Variants in FRMD4B observed in about 807,000 individuals in gnomAD.
FRMD4B encodes the protein FERM domain containing 4B, also known as FERM domain-containing protein 4B.
A neutral mutation model predicts 141.5 loss-of-function variants in FRMD4B; 74 were observed. That is an observed-to-expected ratio of 0.52 (90% CI 0.43 to 0.63). FRMD4B has a LOEUF of 0.63. Ranked by LOEUF, FRMD4B falls within the 30% of genes least tolerant of loss-of-function variation. FRMD4B has a pLI of 0.00. For missense variants in FRMD4B, 1,366 were observed against 1,253.4 expected (o/e 1.09, Z -1.36); for synonymous variants, 506 against 467.9 (o/e 1.08, Z -1.05).
intron 1 of FRMD4B, among the ~76,000 whole-genome samples, chr3:69,459,662 A>G (rs1341123293): frequency 2.0e-5 from 3 of 152,184 alleles, no homozygotes; most frequent in African/African-American, 7.2e-5. Flanking sequence ...AAAACAATGA[A>G]CCAATCCCTG....
chr3:69,497,444 G>T (rs1201966891), intron 1 of FRMD4B, among the ~76,000 whole-genome samples: 1 of 152,094 alleles, frequency 6.6e-6, no homozygotes, highest in East Asian at 1.9e-4. Flanking sequence ...ACGACTGATT[G>T]CTTCTCATTG....
chr3:69,219,711 C>T (rs1411701780), intron 9 of FRMD4B, among the ~76,000 whole-genome samples: 1 of 151,888 alleles, frequency 6.6e-6, no homozygotes, highest in Admixed American at 6.6e-5. Context: ...CTGTACCTAA[C>T]AAACCATCAC....
chr3:69,379,936 C>T (rs1391951285), intron 1 of FRMD4B, among the ~76,000 whole-genome samples: 1 of 152,218 alleles, frequency 6.6e-6, no homozygotes, highest in African/African-American at 2.4e-5. Context: ...TTTGCTGACT[C>T]CCTTTCTAGT....
At chr3:69,309,409 T>C (rs760700895) in intron 3 of FRMD4B, among the ~76,000 whole-genome samples, 7 of 151,670 alleles carry the variant, frequency 4.6e-5, no homozygotes, top group Admixed American at 6.6e-5. Context: ...CCAAAAGTGT[T>C]AGGATCACAG....
At chr3:69,250,727 T>C (rs1333011458) in intron 5 of FRMD4B, among the ~76,000 whole-genome samples, 1 of 109,322 alleles carries the variant, frequency 9.1e-6, no homozygotes, top group Non-Finnish European at 1.8e-5. Flanking sequence ...TCAGTTTTCC[T>C]TTTTTTTTTT....
upstream of FRMD4B, among the ~76,000 whole-genome samples, chr3:69,386,993 G>A (rs944270207): frequency 5.9e-5 from 9 of 152,042 alleles, no homozygotes; most frequent in Non-Finnish European, 1.2e-4. Flanking sequence ...AAAACCAAAG[G>A]AAACTGTTCC....
chr3:69,527,903 C>T (rs183724768), intron 1 of FRMD4B, among the ~76,000 whole-genome samples: 1 of 152,232 alleles, frequency 6.6e-6, no homozygotes, highest in Non-Finnish European at 1.5e-5. Context: ...CACAAAATGC[C>T]CCACAAAATG....
At chr3:69,242,881 T>G (rs1575649516) in intron 7 of FRMD4B, among the ~76,000 whole-genome samples, 1 of 150,966 alleles carries the variant, frequency 6.6e-6, no homozygotes, top group African/African-American at 2.4e-5. Context: ...GTAATCCCAG[T>G]TACTCGGGAG....
chr3:69,223,298 G>A (rs1335670792), intron 8 of FRMD4B, among the ~76,000 whole-genome samples: 2 of 151,976 alleles, frequency 1.3e-5, no homozygotes, highest in Non-Finnish European at 2.9e-5. Flanking sequence ...GGCGGATCAC[G>A]AGGTCAGGAG....
chr3:69,271,784 C>T (rs952783716), intron 5 of FRMD4B, among the ~76,000 whole-genome samples: 3 of 152,054 alleles, frequency 2.0e-5, no homozygotes, highest in African/African-American at 7.2e-5. Context: ...ACTAGCCTGG[C>T]CAACATGGTG....
rs1288217320 is a variant in FRMD4B, at chr3:69,456,139, C to G, written c.-128-23378G>C. The stretch of plus-strand genomic sequence containing the variant: ...TTGAATCACAGGATGCCCCCAGAGA[C>G]AAAACATCTGAAACAGGGCTCCCTA... On this transcript the variant is annotated intron_variant, in intron 1 of 5. Coordinates refer to the FRMD4B transcript ENST00000459638. Among the ~76,000 whole-genome samples, 3 of 151,802 alleles carry G rather than the reference C, an allele frequency of 2.0e-5. No homozygotes were observed. The East Asian group carries it at 5.8e-4, about 29-fold the overall frequency.
intron 5 of FRMD4B, among the ~76,000 whole-genome samples, chr3:69,277,845 CTT>C (rs1439204493): frequency 1.7e-5 from 2 of 114,488 alleles, no homozygotes; most frequent in African/African-American, 6.3e-5. Flanking sequence ...ACAGCATTTT[CTT>C]TTTCTTTCTT....
At chr3:69,536,694 G>T (rs557512129) in intron 1 of FRMD4B, 16 of 703,260 alleles carry the variant, frequency 2.3e-5, no homozygotes, top group Non-Finnish European at 1.0e-5. Flanking sequence ...AGGAGGGGAG[G>T]CATCAGTAGT....
intron 1 of FRMD4B, among the ~76,000 whole-genome samples, chr3:69,450,984 C>A (rs1705487339): frequency 6.6e-6 from 1 of 152,168 alleles, no homozygotes; most frequent in African/African-American, 2.4e-5. Flanking sequence ...CACAACCCAG[C>A]TAATATCTCG....
At position 69,237,792 on chromosome 3, in the gene FRMD4B, G is replaced by A. The variant is rs374040398; in HGVS notation, c.581+11434C>T. On this transcript the variant is annotated intron_variant, in intron 7 of 22. Transcript: ENST00000398540. ...GTCATCCAGGCTAGAGTGCAGTGGC[G>A]CGATCTCGGCTGACTGCAACCTCTG... Among the ~76,000 whole-genome samples, 10 of 152,256 alleles carry A rather than the reference G, an allele frequency of 6.6e-5. No individual in the cohort carries two copies. The East Asian group carries it at 1.5e-3, about 24-fold the overall frequency.
intron 2 of FRMD4B, among the ~76,000 whole-genome samples, chr3:69,398,506 G>C (rs1354293255): frequency 2.6e-5 from 4 of 152,150 alleles, no homozygotes; most frequent in African/African-American, 4.8e-5. Flanking sequence ...CTCTTATCTA[G>C]CTATAATTTT....
At chr3:69,267,767 G>C (rs2093574751) in intron 5 of FRMD4B, among the ~76,000 whole-genome samples, 1 of 151,032 alleles carries the variant, frequency 6.6e-6, no homozygotes, top group Non-Finnish European at 1.5e-5. Context: ...CAGGTAGCTT[G>C]AATTACAGGC....
chr3:69,320,505 A>C (rs1412555206), intron 1 of FRMD4B, among the ~76,000 whole-genome samples: 1 of 152,170 alleles, frequency 6.6e-6, no homozygotes, highest in African/African-American at 2.4e-5. Flanking sequence ...AGGCAGGAGG[A>C]TCGCTGGAGC....
At chr3:69,454,984 T>C (rs564572587) in intron 1 of FRMD4B, among the ~76,000 whole-genome samples, 19 of 152,340 alleles carry the variant, frequency 1.2e-4, no homozygotes, top group African/African-American at 3.4e-4. Flanking sequence ...AGTTCGTGGG[T>C]ACAACACTCA....
Sources: gnomAD v4.1 joint callset for allele counts (sites outside exome capture counted in the v4.1 genomes callset) on GRCh38, gnomAD v4.1.1 for gene constraint, MANE v1.5 for transcripts, NCBI Gene and HGNC (gene_info 2026-07-23, HGNC 2026-07-21) for gene names.